The following NSMCE2 variants were observed in gnomAD, a reference collection of about 807,000 sequenced individuals.
NSMCE2 encodes E3 SUMO-protein ligase NSE2.
A neutral mutation model predicts 23.8 loss-of-function variants in NSMCE2; 24 were observed. That is an observed-to-expected ratio of 1.01 (90% CI 0.73 to 1.42). NSMCE2 has a LOEUF of 1.42. Among genes scored for constraint, NSMCE2 ranks in the 40% most tolerant of loss-of-function variants. NSMCE2 has a pLI of 0.00. For missense variants in NSMCE2, 284 were observed against 296.5 expected (o/e 0.96, Z 0.31); for synonymous variants, 92 against 94.1 (o/e 0.98, Z 0.13).
chr8:125,230,428 T>C (rs1490701279), intron 5 of NSMCE2, among the ~76,000 whole-genome samples: 1 of 152,216 alleles, frequency 6.6e-6, no homozygotes, highest in African/African-American at 2.4e-5. Flanking sequence ...AGAATATGAT[T>C]TTTTAAAAAC....
chr8:125,114,742 C>G (rs1474680412), intron 3 of NSMCE2, among the ~76,000 whole-genome samples: 2 of 152,200 alleles, frequency 1.3e-5, no homozygotes, highest in African/African-American at 4.8e-5. Flanking sequence ...GGCTGAGAAA[C>G]TCTGATACAC....
intron 7 of NSMCE2, among the ~76,000 whole-genome samples, chr8:125,365,396 C>G (rs1021663037): frequency 5.9e-5 from 9 of 152,208 alleles, no homozygotes; most frequent in Non-Finnish European, 1.0e-4. Flanking sequence ...GCTGCCCTCA[C>G]CTCTCTCCTG....
intron 4 of NSMCE2, among the ~76,000 whole-genome samples, chr8:125,164,929 T>C (rs1821801018): frequency 6.6e-6 from 1 of 152,222 alleles, no homozygotes; most frequent in South Asian, 2.1e-4. Context: ...CAGGTTAGCC[T>C]ACAGATTTGT....
At chr8:125,260,916 G>A (rs943908189) in intron 5 of NSMCE2, among the ~76,000 whole-genome samples, 1 of 152,010 alleles carries the variant, frequency 6.6e-6, no homozygotes, top group African/African-American at 2.4e-5. Flanking sequence ...GAGCCATCAT[G>A]CCTGGCCAAA....
At chr8:125,244,275 A>G (rs963143215) in intron 5 of NSMCE2, among the ~76,000 whole-genome samples, 1 of 152,192 alleles carries the variant, frequency 6.6e-6, no homozygotes, top group Admixed American at 6.5e-5. Context: ...AAGAAAGTTC[A>G]AAGTTGAGCA....
intron 4 of NSMCE2, among the ~76,000 whole-genome samples, chr8:125,152,002 A>G (rs767951745): frequency 2.6e-5 from 4 of 152,218 alleles, no homozygotes; most frequent in East Asian, 1.9e-4. Context: ...TCTTACTTAC[A>G]GCTATGGGAA....
chr8:125,197,890 T>C (rs1006898537), intron 5 of NSMCE2, among the ~76,000 whole-genome samples: 1 of 152,246 alleles, frequency 6.6e-6, no homozygotes, highest in Non-Finnish European at 1.5e-5. Flanking sequence ...ATAATTCTCC[T>C]TGAAGAGGCC....
At chr8:125,361,558 A>T (rs973935669) in intron 7 of NSMCE2, among the ~76,000 whole-genome samples, 7 of 152,180 alleles carry the variant, frequency 4.6e-5, no homozygotes, top group Non-Finnish European at 8.8e-5. Context: ...CAGTTTCCTC[A>T]TCTGTAAAGT....
At chr8:125,234,795 C>T (rs1825473440) in intron 5 of NSMCE2, among the ~76,000 whole-genome samples, 1 of 152,144 alleles carries the variant, frequency 6.6e-6, no homozygotes, top group Admixed American at 6.5e-5. Context: ...AGCCAGCTTC[C>T]TTATGGCCCT....
At chr8:125,318,887 A>G (rs990362912) in intron 5 of NSMCE2, among the ~76,000 whole-genome samples, 2 of 152,214 alleles carry the variant, frequency 1.3e-5, no homozygotes, top group Admixed American at 1.3e-4. Flanking sequence ...TATAACTAAG[A>G]GTCCAGGGAA....
At chr8:125,105,968 TAGAC>T (rs968348344) in intron 3 of NSMCE2, among the ~76,000 whole-genome samples, 53 of 152,028 alleles carry the variant, frequency 3.5e-4, no homozygotes, top group East Asian at 1.5e-3. Context: ...CTAAACAACT[TAGAC>T]AGACACAGAG....
intron 5 of NSMCE2, among the ~76,000 whole-genome samples, chr8:125,183,978 T>G (rs1822955076): frequency 6.6e-6 from 1 of 152,060 alleles, no homozygotes; most frequent in South Asian, 2.1e-4. Context: ...CTTTATTAAA[T>G]GCAATAGTTT....
At chr8:125,320,239 GGGAGGGAGGGAGGGAAGGAA>G (rs1829379838) in intron 5 of NSMCE2, among the ~76,000 whole-genome samples, 2 of 43,902 alleles carry the variant, frequency 4.6e-5, no homozygotes, top group African/African-American at 1.5e-4. Context: ...AGGGAAGGGA[GGGAGGGAGGGAGGGAAGGAA>G]GGAAGGAAGG....
rs747995998 is a variant in NSMCE2, at chr8:125,366,931, C to A, written c.*46C>A. 6 of 1,094,646 alleles carry A rather than the reference C, an allele frequency of 5.5e-6. No homozygotes were observed. The Admixed American group carries it at 1.0e-4, about 19-fold the overall frequency. 67.8% of individuals were successfully genotyped at this position (1,094,646 alleles called of 1,614,324 possible). ...GGACACCAGCAGCCTACCTCCTACCCCAGCTGTCTGTTGAGAGCAGTGCTG... is the reference window on the plus strand; with the variant it reads ...GGACACCAGCAGCCTACCTCCTACCACAGCTGTCTGTTGAGAGCAGTGCTG... On this transcript the variant is annotated 3_prime_UTR_variant, in exon 8 of 8. Coordinates refer to ENST00000287437, the MANE Select transcript of NSMCE2 (RefSeq NM_173685.4).
intron 5 of NSMCE2, among the ~76,000 whole-genome samples, chr8:125,225,581 G>A (rs1464981909): frequency 1.3e-5 from 2 of 152,212 alleles, no homozygotes; most frequent in African/African-American, 4.8e-5. Context: ...GGTACAGTGA[G>A]CAGAGAAGCC....
chr8:125,342,408 C>T (rs1429950364), intron 5 of NSMCE2, among the ~76,000 whole-genome samples: 1 of 151,956 alleles, frequency 6.6e-6, no homozygotes, highest in Non-Finnish European at 1.5e-5. Context: ...TACACATTCA[C>T]AAGAGCTGTG....
At chr8:125,127,188 G>A (rs1334289030) in intron 3 of NSMCE2, 1 of 152,204 alleles carries the variant, frequency 6.6e-6, no homozygotes, top group Non-Finnish European at 1.5e-5. Context: ...TGCTGTCCAA[G>A]ATTTACTTCT....
At chr8:125,261,282 A>G (rs1460145340) in intron 5 of NSMCE2, among the ~76,000 whole-genome samples, 1 of 152,254 alleles carries the variant, frequency 6.6e-6, no homozygotes, top group Admixed American at 6.5e-5. Context: ...AGAATGGAAC[A>G]GTGATCAAAT....
chr8:125,134,488 G>A (rs1295125564), intron 3 of NSMCE2, among the ~76,000 whole-genome samples: 4 of 152,124 alleles, frequency 2.6e-5, no homozygotes, highest in African/African-American at 4.8e-5. Context: ...GTATCTTATA[G>A]TGGTTTTAAT....
Sources: gnomAD v4.1 joint callset for allele counts (sites outside exome capture counted in the v4.1 genomes callset) on GRCh38, gnomAD v4.1.1 for gene constraint, MANE v1.5 for transcripts, NCBI Gene and HGNC (gene_info 2026-07-23, HGNC 2026-07-21) for gene names.